ARHGAP40: variants seen among roughly 807,000 people sequenced by gnomAD.
ARHGAP40 encodes the protein Rho GTPase activating protein 40, also known as rho GTPase-activating protein 40.
In ARHGAP40, 43 loss-of-function variants were observed where a neutral mutation model predicts 73.5. That is an observed-to-expected ratio of 0.58 (90% CI 0.46 to 0.75). The LOEUF (loss-of-function observed/expected upper bound fraction) is 0.75. ARHGAP40 is among the 30% of genes least tolerant of loss of function. The pLI is 0.00. For missense variants in ARHGAP40, 734 were observed against 861.8 expected (o/e 0.85, Z 1.86); for synonymous variants, 300 against 352.8 (o/e 0.85, Z 1.68).
At chr20:38,638,526 A>C (rs2088992349) in intron 7 of ARHGAP40, among the ~76,000 whole-genome samples, 1 of 152,116 alleles carries the variant, frequency 6.6e-6, no homozygotes, top group African/African-American at 2.4e-5. Context: ...AACATCTGTA[A>C]ATTGGGATGA....
chr20:38,649,817 G>A lies in ARHGAP40; in HGVS notation c.1997G>A (p.Gly666Asp), dbSNP rs902360182. The A allele has an allele frequency of 9.2e-6, 12 of 1,305,180 alleles. 1 individual carries two copies. Among genetic ancestry groups the A allele is most frequent in the Middle Eastern group, 2.1e-4 (1 of 4,714 alleles). 80.8% of individuals were successfully genotyped at this position (1,305,180 alleles called of 1,614,324 possible). A position where few individuals can be genotyped will look rare whatever the true frequency, so the allele number is the denominator to read the frequency against. ...GATCTGTACCGTGCCAACCCGCATG[G>A]TGAGTGGGTCCTTAAACAGAACCCC... Residue 666 changes from glycine (G) to aspartate (D), a missense_variant, in exon 15 of 15, where the codon GGT becomes GAT. Transcript: ENST00000373345.
At chr20:38,639,942 T>G (rs757449738) in intron 9 of ARHGAP40, among the ~76,000 whole-genome samples, 9 of 152,206 alleles carry the variant, frequency 5.9e-5, no homozygotes, top group Non-Finnish European at 1.0e-4. Context: ...CTCACAACCG[T>G]GAGGTTCTCC....
rs550873749 is a variant in ARHGAP40 at position 38,602,092 on chromosome 20, C to T, written c.137+13C>T. The T allele has an allele frequency of 1.1e-3, 1,432 of 1,271,370 alleles. 2 individuals are homozygous for T. Among genetic ancestry groups the T allele is most frequent in the Non-Finnish European group, 1.4e-3 (1,381 of 978,324 alleles). The allele number at this position is 1,271,370 out of a possible 1,614,324, so 78.8% of individuals were successfully genotyped here. A position where few individuals can be genotyped will look rare whatever the true frequency, so the allele number is the denominator to read the frequency against. ...ACCTGGGCTGCAGGTACAGGGGTCA[C>T]GGGAGCGGGAGGGAAGTTGGCCCTA... is the stretch of plus-strand genomic sequence containing the variant. On this transcript the variant is annotated intron_variant, in intron 1 of 14. Transcript: ENST00000373345.
chr20:38,634,406 T>A (rs1305549291), intron 5 of ARHGAP40, among the ~76,000 whole-genome samples: 1 of 152,152 alleles, frequency 6.6e-6, no homozygotes, highest in Non-Finnish European at 1.5e-5. Flanking sequence ...CTCTATTTTA[T>A]GATTATGGAT....
intron 1 of ARHGAP40, chr20:38,615,014 C>T: frequency 1.7e-6 from 2 of 1,169,070 alleles, no homozygotes; most frequent in Non-Finnish European, 2.6e-6. Flanking sequence ...TGGGGTTGAT[C>T]TCCATCAAGG....
chr20:38,617,236 G>C (rs1014075155), intron 1 of ARHGAP40, among the ~76,000 whole-genome samples: 2 of 152,160 alleles, frequency 1.3e-5, no homozygotes, highest in African/African-American at 4.8e-5. Context: ...TTGCTCCCTC[G>C]GTCATGCTGG....
intron 5 of ARHGAP40, among the ~76,000 whole-genome samples, chr20:38,633,173 TACTCAGG>T (rs2088952145): frequency 6.6e-6 from 1 of 151,832 alleles, no homozygotes; most frequent in South Asian, 2.1e-4. Context: ...TAATCTTAGC[TACTCAGG>T]AGGCTGGGGC....
At chr20:38,648,613 G>GT (rs200860020) in intron 13 of ARHGAP40, 30 bp from the exon 14 acceptor site, 39,468 of 962,684 alleles carry the variant, frequency 0.041, 241 homozygotes, top group African/African-American at 0.081. Context: ...AAAGGCAGTA[G>GT]TTTTTTTTTT....
chr20:38,629,282 G>A (rs967945826), intron 4 of ARHGAP40, among the ~76,000 whole-genome samples: 1 of 152,160 alleles, frequency 6.6e-6, no homozygotes, highest in Admixed American at 6.5e-5. Context: ...GAGGGTCTTA[G>A]CTAGGAAATC....
At chr20:38,630,701 C>G (rs2145606569) in intron 5 of ARHGAP40, among the ~76,000 whole-genome samples, 1 of 152,192 alleles carries the variant, frequency 6.6e-6, no homozygotes, top group Admixed American at 6.5e-5. Context: ...CAGAAACTTC[C>G]TCCCTTGCTT....
At chr20:38,603,937 C>G (rs1162665932) in intron 1 of ARHGAP40, among the ~76,000 whole-genome samples, 2 of 152,222 alleles carry the variant, frequency 1.3e-5, no homozygotes, top group African/African-American at 4.8e-5. Context: ...TGATAAGGAT[C>G]CTTGTGATGA....
At chr20:38,645,995 C>T in intron 11 of ARHGAP40, 52 bp from the exon 12 acceptor site, 1 of 1,249,810 alleles carries the variant, frequency 8.0e-7, no homozygotes, top group Non-Finnish European at 1.0e-6. Context: ...GGCTCTGCCT[C>T]TCGCCCCCAG....
intron 3 of ARHGAP40, among the ~76,000 whole-genome samples, chr20:38,628,054 C>T (rs1165515377): frequency 6.6e-6 from 1 of 152,228 alleles, no homozygotes; most frequent in African/African-American, 2.4e-5. Context: ...TCCAGGACAG[C>T]AGCCCAGGGG....
At chr20:38,647,024 C>G (rs777297790) in exon 13 of ARHGAP40, 2 of 1,305,390 alleles carry the variant, frequency 1.5e-6, no homozygotes, top group African/African-American at 3.0e-5. Flanking sequence ...CCTCTCACCC[C>G]CAGCACCAAA....
At chr20:38,637,668 C>T (rs1167316857) in intron 6 of ARHGAP40, 40 bp from the exon 7 acceptor site, 1 of 1,294,156 alleles carries the variant, frequency 7.7e-7, no homozygotes, top group Non-Finnish European at 1.0e-6. Context: ...GTGATCATTC[C>T]AAGAAGTGAA....
At chr20:38,630,117 CTCTT>C (rs1187780926) in intron 5 of ARHGAP40, among the ~76,000 whole-genome samples, 4 of 124,512 alleles carry the variant, frequency 3.2e-5, no homozygotes, top group East Asian at 4.7e-4. Flanking sequence ...TCTTTTCTTT[CTCTT>C]TCTTTCCTTT....
chr20:38,612,301 C>A lies in ARHGAP40; in HGVS notation c.137+10222C>A, dbSNP rs1244566089. Among the ~76,000 whole-genome samples the A allele has an allele frequency of 2.6e-5, 4 of 152,092 alleles. No individual in the cohort carries two copies. In the South Asian group the frequency reaches 8.3e-4, roughly 32 times the overall value. On this transcript the variant is annotated intron_variant, in intron 1 of 14. Transcript: ENST00000373345. ...ACAGCCAGAAAAGTAGATTTGTGTA[C>A]CCAAGTTGTTCTAAACATATTTAGG...
At chr20:38,602,063 G>A in exon 1 of ARHGAP40, 1 of 1,285,924 alleles carries the variant, frequency 7.8e-7, no homozygotes, top group Non-Finnish European at 1.0e-6. Flanking sequence ...CCAGCGCTGG[G>A]CCGACCTGGG....
At position 38,616,998 on chromosome 20, in the gene ARHGAP40, T is replaced by C. The variant is rs147455154; in HGVS notation, c.138-6361T>C. 1.3e-3 allele frequency among the ~76,000 whole-genome samples: 196 copies of C among 152,210 alleles called. 1 individual carries two copies. The highest frequency in any genetic ancestry group is 6.8e-3 in the Middle Eastern group (2 of 294). ...TCTCACGCTGTTGCCCAGGCTGGAGTGCAGTGGCACAGTCTCGGCTCACTG... is the reference window on the plus strand; with the variant it reads ...TCTCACGCTGTTGCCCAGGCTGGAGCGCAGTGGCACAGTCTCGGCTCACTG... On this transcript the variant is annotated intron_variant, in intron 1 of 14. Coordinates refer to ENST00000373345, the Ensembl canonical transcript of ARHGAP40.
Sources: gnomAD v4.1 joint callset for allele counts (sites outside exome capture counted in the v4.1 genomes callset) on GRCh38, gnomAD v4.1.1 for gene constraint, MANE v1.5 for transcripts, NCBI Gene and HGNC (gene_info 2026-07-23, HGNC 2026-07-21) for gene names.